Variants in ADAMTS3 observed in about 807,000 individuals in gnomAD.
The protein encoded by ADAMTS3 is A disintegrin and metalloproteinase with thrombospondin motifs 3.
ADAMTS3 carries 73 observed loss-of-function variants against 129.0 expected under a neutral mutation model. That is an observed-to-expected ratio of 0.57 (90% CI 0.47 to 0.69). ADAMTS3 has a LOEUF of 0.69. Among genes scored for constraint, ADAMTS3 ranks in the 30% least tolerant of loss-of-function variants. The probability of loss-of-function intolerance (pLI) is 0.00; values close to 1 mark genes in which losing one functional copy is unlikely to be tolerated. For synonymous variants in ADAMTS3, 477 were observed against 510.8 expected (o/e 0.93, Z 0.89); for missense variants, 1,457 against 1,514.5 (o/e 0.96, Z 0.63).
At chr4:72,397,904 G>T (rs1209516007) in intron 4 of ADAMTS3, among the ~76,000 whole-genome samples, 1 of 151,948 alleles carries the variant, frequency 6.6e-6, no homozygotes. Context: ...TACAAAAAGA[G>T]CATCCCTTGT....
intron 3 of ADAMTS3, among the ~76,000 whole-genome samples, chr4:72,519,618 A>C (rs911167108): frequency 6.6e-6 from 1 of 152,036 alleles, no homozygotes; most frequent in Non-Finnish European, 1.5e-5. Flanking sequence ...CCTTTCTTCC[A>C]GTTGATTGCA....
chr4:72,468,722 T>C (rs1718985607), intron 3 of ADAMTS3, among the ~76,000 whole-genome samples: 1 of 151,670 alleles, frequency 6.6e-6, no homozygotes, highest in African/African-American at 2.4e-5. Flanking sequence ...CAAAGTTAAA[T>C]TAATAATGTC....
rs1560467509 is a variant in ADAMTS3 at position 72,311,240 on chromosome 4, T to C, written c.1922-59A>G. On this transcript the variant is annotated intron_variant, in intron 13 of 21. Coordinates refer to ENST00000286657, the MANE Select transcript of ADAMTS3 (RefSeq NM_014243.3). The stretch of plus-strand genomic sequence containing the variant: ...CATAAAATGGAATGTTTGAACAGCA[T>C]AGTTTATTTTATTTTTAAATATAAG... 19 of 1,408,934 alleles carry C rather than the reference T, an allele frequency of 1.3e-5. No individual in the cohort carries two copies. In the East Asian group the frequency reaches 2.4e-4, roughly 18 times the overall value. The allele number at this position is 1,408,934 out of a possible 1,614,324, so 87.3% of individuals were successfully genotyped here.
intron 3 of ADAMTS3, among the ~76,000 whole-genome samples, chr4:72,421,553 C>T (rs888344169): frequency 6.6e-6 from 1 of 152,104 alleles, no homozygotes; most frequent in African/African-American, 2.4e-5. Context: ...GTGTCATGGG[C>T]ACCTAAGTAG....
chr4:72,463,439 A>G (rs980282905), intron 3 of ADAMTS3, among the ~76,000 whole-genome samples: 3 of 152,038 alleles, frequency 2.0e-5, no homozygotes, highest in African/African-American at 7.2e-5. Context: ...AAGCAGAAGC[A>G]TACATTGTAA....
Position 72,353,698 on chromosome 4 carries a change from C to T in ADAMTS3, c.662-14005G>A, listed in dbSNP as rs1481896053. On this transcript the variant is annotated intron_variant, in intron 4 of 21. Coordinates refer to ENST00000286657, the MANE Select transcript of ADAMTS3 (RefSeq NM_014243.3). ...AATCCTTCCAAAGATTTAATGTACA[C>T]TTAAATCTTTTCATTGAATTCTTTC... Among the ~76,000 whole-genome samples the T allele has an allele frequency of 2.0e-5, 3 of 152,014 alleles. No homozygotes were observed. The East Asian group carries it at 5.8e-4, about 29-fold the overall frequency.
intron 9 of ADAMTS3, 63 bp from the exon 10 acceptor site, chr4:72,318,767 A>C: frequency 2.7e-6 from 4 of 1,478,156 alleles, no homozygotes; most frequent in Non-Finnish European, 3.7e-6. Flanking sequence ...GTCCTGATTT[A>C]AAAAAAAGTA....
intron 4 of ADAMTS3, among the ~76,000 whole-genome samples, chr4:72,370,563 C>G (rs1327485028): frequency 6.6e-6 from 1 of 152,076 alleles, no homozygotes; most frequent in African/African-American, 2.4e-5. Flanking sequence ...GCTGGGCCAA[C>G]ATGGCGAAAT....
Position 72,290,548 on chromosome 4 carries a change from G to A in ADAMTS3, c.2931+307C>T, listed in dbSNP as rs996343366. 3.3e-5 allele frequency among the ~76,000 whole-genome samples: 5 copies of A among 152,296 alleles called. No individual in the cohort carries two copies. In the Middle Eastern group the frequency reaches 0.01, roughly 311 times the overall value. The stretch of plus-strand genomic sequence containing the variant: ...TTAGTGCAGTGCCAAATGGTGCTGG[G>A]CCCTGCATTCAATATCAGGGGTTTG... On this transcript the variant is annotated intron_variant, in intron 20 of 21. Coordinates refer to ENST00000286657, the MANE Select transcript of ADAMTS3 (RefSeq NM_014243.3).
chr4:72,414,866 A>T lies in ADAMTS3; in HGVS notation c.610T>A (p.Ser204Thr), dbSNP rs184919879. 6.4e-7 allele frequency: 1 copy of T among 1,565,172 alleles called. No individual in the cohort carries two copies. Among genetic ancestry groups the T allele is most frequent in the Non-Finnish European group, 8.6e-7 (1 of 1,158,078 alleles). ...TCTATGGGAGCCTGTTCTACAGCTG[A>T]TCTCTTGTAGACAACATGAATCCTT... ...KGRIHVVYKRSAVEQAPIDMS... is the reference protein window; with the variant it reads ...KGRIHVVYKRTAVEQAPIDMS... The change falls in exon 4 of 22, where the codon TCA becomes ACA. Residue 204 changes from serine (S) to threonine (T), a missense_variant. Physicochemically the swap from Ser to Thr is moderately conservative, Grantham distance 58 (BLOSUM62 1). Transcript: ENST00000286657.
intron 3 of ADAMTS3, among the ~76,000 whole-genome samples, chr4:72,508,089 C>T (rs911291540): frequency 6.6e-6 from 1 of 152,110 alleles, no homozygotes; most frequent in African/African-American, 2.4e-5. Context: ...CAATTCAAAA[C>T]CACATCTCTG....
chr4:72,530,392 AAC>A (rs1162334295), intron 3 of ADAMTS3, among the ~76,000 whole-genome samples: 2 of 81,372 alleles, frequency 2.5e-5, no homozygotes, highest in Non-Finnish European at 4.2e-5. Flanking sequence ...ATATTAAATT[AAC>A]ATATATGAAT....
At chr4:72,407,567 A>G (rs1722080581) in intron 4 of ADAMTS3, among the ~76,000 whole-genome samples, 1 of 152,166 alleles carries the variant, frequency 6.6e-6, no homozygotes, top group Non-Finnish European at 1.5e-5. Context: ...ATAAAAGAAT[A>G]CATAGCAATT....
chr4:72,469,007 T>C (rs1056767921), intron 3 of ADAMTS3, among the ~76,000 whole-genome samples: 10 of 152,254 alleles, frequency 6.6e-5, no homozygotes, highest in Admixed American at 2.6e-4. Flanking sequence ...CAAGTTCCTA[T>C]AGTACATACA....
intron 3 of ADAMTS3, among the ~76,000 whole-genome samples, chr4:72,497,363 A>G (rs1304955012): frequency 2.0e-5 from 3 of 151,920 alleles, no homozygotes; most frequent in African/African-American, 7.2e-5. Flanking sequence ...ATTATTTTCT[A>G]TTTTAATATG....
intron 3 of ADAMTS3, among the ~76,000 whole-genome samples, chr4:72,489,360 G>A (rs1719676019): frequency 6.6e-6 from 1 of 151,928 alleles, no homozygotes; most frequent in Non-Finnish European, 1.5e-5. Flanking sequence ...AAAAATTCCA[G>A]AAGTAACAAT....
At chr4:72,429,593 T>G (rs1722648498) in intron 3 of ADAMTS3, among the ~76,000 whole-genome samples, 1 of 152,076 alleles carries the variant, frequency 6.6e-6, no homozygotes, top group Non-Finnish European at 1.5e-5. Flanking sequence ...TTAAGGAGAT[T>G]AGTGACTGAT....
At chr4:72,324,637 C>A (rs570474845) in intron 5 of ADAMTS3, among the ~76,000 whole-genome samples, 1 of 151,972 alleles carries the variant, frequency 6.6e-6, no homozygotes, top group Non-Finnish European at 1.5e-5. Context: ...AATACCTGTA[C>A]GAGATAAGCC....
chr4:72,557,027 C>CCTTT, intron 2 of ADAMTS3, among the ~76,000 whole-genome samples: 1 of 151,780 alleles, frequency 6.6e-6, no homozygotes, highest in East Asian at 1.9e-4. Context: ...ATTACCCAAT[C>CCTTT]TAAAAGACTG....
Sources: gnomAD v4.1 joint callset for allele counts (sites outside exome capture counted in the v4.1 genomes callset) on GRCh38, gnomAD v4.1.1 for gene constraint, MANE v1.5 for transcripts, NCBI Gene and HGNC (gene_info 2026-07-23, HGNC 2026-07-21) for gene names.